CADPS2: variants seen among roughly 807,000 people sequenced by gnomAD.
CADPS2 encodes calcium dependent secretion activator 2.
CADPS2 carries 93 observed loss-of-function variants against 172.5 expected under a neutral mutation model. The observed-to-expected ratio is 0.54, with a 90% CI of 0.46 to 0.64. The LOEUF is 0.64. Ranked by LOEUF, CADPS2 falls within the 30% of genes least tolerant of loss-of-function variation. The probability of loss-of-function intolerance (pLI) is 0.00; values close to 1 mark genes in which losing one functional copy is unlikely to be tolerated. For synonymous variants in CADPS2, 546 were observed against 555.2 expected (o/e 0.98, Z 0.23); for missense variants, 1,420 against 1,565.9 (o/e 0.91, Z 1.57).
chr7:122,836,792 T>A (rs1808594734), intron 1 of CADPS2, among the ~76,000 whole-genome samples: 1 of 151,966 alleles, frequency 6.6e-6, no homozygotes, highest in Non-Finnish European at 1.5e-5. Context: ...GCCTTAGAGA[T>A]CTACAGAGAG....
At chr7:122,553,205 C>A (rs2064549151) in intron 8 of CADPS2, among the ~76,000 whole-genome samples, 1 of 152,160 alleles carries the variant, frequency 6.6e-6, no homozygotes, top group Admixed American at 6.5e-5. Flanking sequence ...TATTTGCATA[C>A]AAGTCTGAAT....
At chr7:122,517,257 T>C (rs926271616) in intron 8 of CADPS2, among the ~76,000 whole-genome samples, 2 of 152,150 alleles carry the variant, frequency 1.3e-5, no homozygotes, top group African/African-American at 2.4e-5. Context: ...TGCTAAGCAA[T>C]ATATTCCATT....
rs1048894132 is a variant in CADPS2 at position 122,802,655 on chromosome 7, C to T, written c.340-65587G>A. Among the ~76,000 whole-genome samples the T allele has an allele frequency of 2.0e-5, 3 of 152,366 alleles. No homozygotes were observed. The South Asian group carries it at 6.2e-4, about 32-fold the overall frequency. On this transcript the variant is annotated intron_variant, in intron 1 of 29. Transcript: ENST00000449022. Reference sequence around the variant, plus strand: ...TGTTCCAAGAGCTCAGAAATCATGTCTCTCTTGTCATTTCCAGATAGCTGG... The same window carrying T: ...TGTTCCAAGAGCTCAGAAATCATGTTTCTCTTGTCATTTCCAGATAGCTGG...
chr7:122,491,209 C>A, intron 10 of CADPS2, 103 bp downstream of exon 10: 1 of 612,206 alleles, frequency 1.6e-6, no homozygotes, highest in South Asian at 3.2e-5. Flanking sequence ...AAATATGCAC[C>A]CTATTCATCG....
chr7:122,658,184 A>T (rs2080050220), intron 3 of CADPS2, among the ~76,000 whole-genome samples: 1 of 152,164 alleles, frequency 6.6e-6, no homozygotes, highest in South Asian at 2.1e-4. Flanking sequence ...TCAAAACCAC[A>T]ATGAGATACC....
At chr7:122,540,741 T>A (rs2062827180) in intron 8 of CADPS2, among the ~76,000 whole-genome samples, 1 of 152,120 alleles carries the variant, frequency 6.6e-6, no homozygotes, top group Non-Finnish European at 1.5e-5. Flanking sequence ...GGTAGCAGGA[T>A]AAACACTTTC....
At chr7:122,734,816 T>C (rs1030296495) in intron 2 of CADPS2, among the ~76,000 whole-genome samples, 9 of 152,118 alleles carry the variant, frequency 5.9e-5, no homozygotes, top group African/African-American at 2.2e-4. Flanking sequence ...GCAGACTCCA[T>C]AATGAGCATC....
chr7:122,526,762 T>G (rs2061270593), intron 8 of CADPS2, among the ~76,000 whole-genome samples: 1 of 152,216 alleles, frequency 6.6e-6, no homozygotes. Context: ...TATTCCTTTA[T>G]TATACCAACT....
intron 16 of CADPS2, 45 bp downstream of exon 16, chr7:122,441,467 A>G: frequency 7.7e-7 from 1 of 1,295,028 alleles, no homozygotes; most frequent in Non-Finnish European, 1.1e-6. Context: ...AATACACAGC[A>G]ACTGAGAAAG....
chr7:122,407,818 A>G, intron 19 of CADPS2, 122 bp from the exon 20 acceptor site: 1 of 964,402 alleles, frequency 1.0e-6, no homozygotes, highest in Non-Finnish European at 1.6e-6. Context: ...TATGATAAAC[A>G]AAATATAATA....
At chr7:122,613,277 G>A (rs12706425) in intron 6 of CADPS2, among the ~76,000 whole-genome samples, 5,371 of 152,178 alleles carry the variant, frequency 0.035, 177 homozygotes, top group Non-Finnish European at 0.048. Context: ...TCACATATAT[G>A]ATGTGGGCCT....
intron 16 of CADPS2, among the ~76,000 whole-genome samples, chr7:122,440,619 G>A (rs1437242433): frequency 6.6e-6 from 1 of 152,128 alleles, no homozygotes; most frequent in Non-Finnish European, 1.5e-5. Flanking sequence ...ATGAAATGGA[G>A]ATGTAATATC....
intron 1 of CADPS2, among the ~76,000 whole-genome samples, chr7:122,877,504 C>T (rs1223278951): frequency 6.6e-6 from 1 of 152,052 alleles, no homozygotes; most frequent in Non-Finnish European, 1.5e-5. Flanking sequence ...CCTAGAAAAT[C>T]TAAAAGGATC....
chr7:122,371,647 A>C (rs1003330132), intron 25 of CADPS2, among the ~76,000 whole-genome samples: 1 of 150,690 alleles, frequency 6.6e-6, no homozygotes, highest in Non-Finnish European at 1.5e-5. Context: ...GGTGGAGATC[A>C]GTAAGGCAAG....
intron 2 of CADPS2, chr7:122,702,986 T>G (rs2086410063): frequency 2.2e-5 from 10 of 453,202 alleles, no homozygotes; most frequent in Non-Finnish European, 3.5e-5. Flanking sequence ...TTCAAGAAAA[T>G]TATGACATCC....
intron 19 of CADPS2, among the ~76,000 whole-genome samples, chr7:122,408,836 G>A (rs1215311081): frequency 6.6e-6 from 1 of 152,096 alleles, no homozygotes; most frequent in Non-Finnish European, 1.5e-5. Flanking sequence ...AAAATTTCAT[G>A]TTTCACATTT....
At chr7:122,694,445 C>G (rs1480632779) in intron 2 of CADPS2, among the ~76,000 whole-genome samples, 1 of 152,064 alleles carries the variant, frequency 6.6e-6, no homozygotes, top group Non-Finnish European at 1.5e-5. Context: ...CAGAGTCACC[C>G]TGGTCATCAA....
At chr7:122,715,895 C>A (rs956823172) in intron 2 of CADPS2, among the ~76,000 whole-genome samples, 10 of 152,064 alleles carry the variant, frequency 6.6e-5, no homozygotes, top group Non-Finnish European at 4.4e-5. Flanking sequence ...CTGTAATCTT[C>A]TATCTACAAT....
At chr7:122,773,510 C>T (rs2093768814) in intron 1 of CADPS2, among the ~76,000 whole-genome samples, 1 of 151,950 alleles carries the variant, frequency 6.6e-6, no homozygotes, top group South Asian at 2.1e-4. Context: ...CACTTTAATA[C>T]TGTGCATTAA....
Sources: gnomAD v4.1 joint callset for allele counts (sites outside exome capture counted in the v4.1 genomes callset) on GRCh38, gnomAD v4.1.1 for gene constraint, MANE v1.5 for transcripts, NCBI Gene and HGNC (gene_info 2026-07-23, HGNC 2026-07-21) for gene names.